The following CNBD2 variants were observed in gnomAD, a reference collection of about 807,000 sequenced individuals.
The protein encoded by CNBD2 is cyclic nucleotide-binding domain-containing protein 2.
A neutral mutation model predicts 63.7 loss-of-function variants in CNBD2; 64 were observed. The ratio of observed to expected loss-of-function variants is 1.00; its 90% CI spans 0.82 to 1.24. The LOEUF is 1.24. Among genes scored for constraint, CNBD2 ranks in the 50% most tolerant of loss-of-function variants. The pLI, the probability that CNBD2 is intolerant of heterozygous loss-of-function variation, is 0.00. For synonymous variants in CNBD2, 229 were observed against 255.4 expected (o/e 0.90, Z 0.99); for missense variants, 691 against 713.5 (o/e 0.97, Z 0.36).
rs899390448 is a variant in CNBD2, at chr20:35,968,605, G to C, written c.-158G>C. On this transcript the variant is annotated 5_prime_UTR_variant, in exon 1 of 12. Coordinates refer to ENST00000373973, the MANE Select transcript of CNBD2 (RefSeq NM_001365709.1). ...GATTTTTCTCAGAGCAGGGCTTCCA[G>C]TAGCTGATGGTATGGTAGGAGGAGT... is the stretch of plus-strand genomic sequence containing the variant. The C allele has an allele frequency of 5.3e-6, 3 of 563,438 alleles. No individual in the cohort carries two copies. The highest frequency in any genetic ancestry group is 3.8e-5 in the African/African-American group (2 of 52,790). The allele number at this position is 563,438 out of a possible 1,614,324, so 34.9% of individuals were successfully genotyped here.
At chr20:35,964,680 C>A (rs1235142463), upstream of CNBD2, among the ~76,000 whole-genome samples, 1 of 151,822 alleles carries the variant, frequency 6.6e-6, no homozygotes, top group Non-Finnish European at 1.5e-5. Flanking sequence ...TAGGCGTGAG[C>A]CACTGCACCC....
At chr20:35,961,244 T>C (rs1215920170) in intron 2 of CNBD2, among the ~76,000 whole-genome samples, 1 of 152,200 alleles carries the variant, frequency 6.6e-6, no homozygotes, top group Non-Finnish European at 1.5e-5. Context: ...TGGCTCTTTT[T>C]AAATCATTCA....
intron 7 of CNBD2, among the ~76,000 whole-genome samples, chr20:35,989,618 C>A (rs1476933790): frequency 6.6e-6 from 1 of 152,068 alleles, no homozygotes; most frequent in Non-Finnish European, 1.5e-5. Context: ...CTTGTACCTG[C>A]CTATGAGAGC....
At chr20:35,993,827 C>A (rs987372824) in intron 7 of CNBD2, among the ~76,000 whole-genome samples, 3 of 149,566 alleles carry the variant, frequency 2.0e-5, no homozygotes, top group Admixed American at 2.0e-4. Flanking sequence ...GTAGCTGGAA[C>A]TACAGGCATG....
At chr20:35,955,894 T>C (rs959037944), downstream of CNBD2, among the ~76,000 whole-genome samples, 1 of 152,196 alleles carries the variant, frequency 6.6e-6, no homozygotes, top group Non-Finnish European at 1.5e-5. Flanking sequence ...TAATATTTTA[T>C]ATTTTTGGTA....
At chr20:35,963,828 C>T (rs1467337792), upstream of CNBD2, among the ~76,000 whole-genome samples, 4 of 152,040 alleles carry the variant, frequency 2.6e-5, no homozygotes, top group African/African-American at 9.7e-5. Flanking sequence ...TTTGCAACCA[C>T]TAAATAGAGA....
chr20:35,976,003 G>A lies in CNBD2; in HGVS notation c.243+1G>A, dbSNP rs2056512932. 1 of 1,608,954 alleles carries A rather than the reference G, an allele frequency of 6.2e-7. No individual in the cohort carries two copies. The highest frequency in any genetic ancestry group is 1.7e-5 in the Admixed American group (1 of 59,964). ...TACCATGGACTTCATTGCAGAGGAG[G>A]TATGCATAGCTCGAAACTTGCTGTG... On this transcript the variant is annotated splice_donor_variant, in intron 3 of 11. Coordinates refer to ENST00000373973, the MANE Select transcript of CNBD2 (RefSeq NM_001365709.1). LOFTEE classifies it high-confidence loss of function.
chr20:35,975,191 C>CG (rs1323656046), intron 2 of CNBD2, among the ~76,000 whole-genome samples: 47 of 133,806 alleles, frequency 3.5e-4, no homozygotes, highest in Admixed American at 6.6e-4. Context: ...TTAGTAGAGA[C>CG]GGGGTTTCAC....
At chr20:35,993,445 T>A (rs1011415120) in intron 7 of CNBD2, among the ~76,000 whole-genome samples, 2 of 152,254 alleles carry the variant, frequency 1.3e-5, no homozygotes, top group African/African-American at 4.8e-5. Flanking sequence ...TGAATATTTG[T>A]TATTTTTAAT....
chr20:35,975,973 T>C lies in CNBD2; in HGVS notation c.214T>C (p.Phe72Leu). 1 of 1,613,408 alleles carries C rather than the reference T, an allele frequency of 6.2e-7. No homozygotes were observed. The highest frequency in any genetic ancestry group is 8.5e-7 in the Non-Finnish European group (1 of 1,179,408). Residue 72 changes from phenylalanine to leucine, a missense_variant, in exon 3 of 12, where the codon TTT becomes CTT. Transcript: ENST00000373973. The stretch of plus-strand genomic sequence containing the variant: ...GAAAAAGATGCAAAGCCGAGTCACA[T>C]TTGATACCATGGACTTCATTGCAGA... Reference protein sequence around the residue: ...WDKKMQSRVTFDTMDFIAEEG... With the variant: ...WDKKMQSRVTLDTMDFIAEEG...
At chr20:36,003,111 G>A (rs2056938138) in intron 8 of CNBD2, among the ~76,000 whole-genome samples, 1 of 151,682 alleles carries the variant, frequency 6.6e-6, no homozygotes, top group South Asian at 2.1e-4. Flanking sequence ...AGACATTTTA[G>A]TTTTTATATC....
At chr20:36,004,559 G>C (rs1295013211) in intron 8 of CNBD2, among the ~76,000 whole-genome samples, 2 of 151,754 alleles carry the variant, frequency 1.3e-5, no homozygotes, top group East Asian at 3.9e-4. Flanking sequence ...TTTATTGCCT[G>C]ATATTCAATG....
intron 8 of CNBD2, among the ~76,000 whole-genome samples, chr20:35,998,845 T>G (rs1030203717): frequency 3.2e-5 from 4 of 126,920 alleles, no homozygotes; most frequent in Non-Finnish European, 6.2e-5. Context: ...TGCACTCCAG[T>G]CCGAGCGACA....
intron 10 of CNBD2, among the ~76,000 whole-genome samples, chr20:36,014,803 T>C (rs1295796978): frequency 6.6e-6 from 1 of 151,870 alleles, no homozygotes; most frequent in Non-Finnish European, 1.5e-5. Flanking sequence ...AACTAATTTT[T>C]TTTATTTTTC....
chr20:35,972,062 T>C (rs2056427016), intron 1 of CNBD2, among the ~76,000 whole-genome samples: 1 of 152,190 alleles, frequency 6.6e-6, no homozygotes, highest in Non-Finnish European at 1.5e-5. Context: ...TATATTACAG[T>C]ACTGTAGGCA....
chr20:36,002,200 G>A (rs2056921756), intron 8 of CNBD2, among the ~76,000 whole-genome samples: 1 of 152,232 alleles, frequency 6.6e-6, no homozygotes, highest in African/African-American at 2.4e-5. Context: ...CTGGAGACCA[G>A]CCCGGCCAAC....
intron 8 of CNBD2, among the ~76,000 whole-genome samples, chr20:36,006,557 C>G (rs974447533): frequency 1.3e-5 from 2 of 152,046 alleles, no homozygotes; most frequent in Non-Finnish European, 2.9e-5. Context: ...GCTGGGACTA[C>G]AGTCACATGC....
At chr20:36,018,258 G>A (rs1248492188) in intron 10 of CNBD2, among the ~76,000 whole-genome samples, 1 of 152,114 alleles carries the variant, frequency 6.6e-6, no homozygotes, top group African/African-American at 2.4e-5. Flanking sequence ...GTGACAGGAG[G>A]GGAGGCTGTG....
At chr20:35,967,283 T>C (rs2056353961), upstream of CNBD2, among the ~76,000 whole-genome samples, 1 of 134,788 alleles carries the variant, frequency 7.4e-6, no homozygotes, top group South Asian at 2.8e-4. Flanking sequence ...AGAGTCTTGC[T>C]CTGTCGTTCA....
Sources: gnomAD v4.1 joint callset for allele counts (sites outside exome capture counted in the v4.1 genomes callset) on GRCh38, gnomAD v4.1.1 for gene constraint, MANE v1.5 for transcripts, NCBI Gene and HGNC (gene_info 2026-07-23, HGNC 2026-07-21) for gene names.